RBMS3: variants seen among roughly 807,000 people sequenced by gnomAD.
RBMS3 encodes the protein RNA-binding motif, single-stranded-interacting protein 3.
Under a neutral mutation model 66.8 loss-of-function variants are expected in RBMS3, and 27 were observed. The observed-to-expected ratio is 0.40, with a 90% CI of 0.30 to 0.56. RBMS3 has a LOEUF of 0.56. RBMS3 is among the 20% of genes least tolerant of loss of function. The pLI is 0.40. For missense variants in RBMS3, 513 were observed against 549.5 expected (o/e 0.93, Z 0.66); for synonymous variants, 188 against 183.0 (o/e 1.03, Z -0.22).
rs1030238076 is a variant in RBMS3, at chr3:29,987,838, G to GATGTGAA, written c.1099-293_1099-287dup. 2.6e-5 allele frequency among the ~76,000 whole-genome samples: 4 copies of GATGTGAA among 152,174 alleles called. No homozygotes were observed. In the East Asian group the frequency reaches 7.7e-4, roughly 29 times the overall value. The stretch of plus-strand genomic sequence containing the variant: ...CCAACTCTCCTGGAGTTTGTGTTTA[G>GATGTGAA]ATGTGAAATGTGAAATGTTTGAGAT... On this transcript the variant is annotated intron_variant, in intron 12 of 14. Coordinates refer to ENST00000383767, the MANE Select transcript of RBMS3 (RefSeq NM_001003793.3).
At chr3:29,819,778 G>T (rs2058023778) in intron 6 of RBMS3, among the ~76,000 whole-genome samples, 1 of 152,084 alleles carries the variant, frequency 6.6e-6, no homozygotes, top group African/African-American at 2.4e-5. Flanking sequence ...AAATTAGCAG[G>T]CTCAAAAGAC....
intron 4 of RBMS3, among the ~76,000 whole-genome samples, chr3:29,689,738 G>T (rs183583997): frequency 1.3e-5 from 2 of 151,544 alleles, no homozygotes; most frequent in East Asian, 1.9e-4. Context: ...TTATTACAAA[G>T]AAATCTCTGC....
At chr3:29,360,257 C>A (rs1044451934) in intron 1 of RBMS3, among the ~76,000 whole-genome samples, 2 of 152,056 alleles carry the variant, frequency 1.3e-5, no homozygotes, top group East Asian at 3.9e-4. Flanking sequence ...TCTTTGTTCT[C>A]GTTGGTTTCA....
At chr3:29,936,255 C>T in intron 11 of RBMS3, 59 bp downstream of exon 11, 1 of 1,423,148 alleles carries the variant, frequency 7.0e-7, no homozygotes, top group Non-Finnish European at 9.8e-7. Flanking sequence ...TGATATTCTC[C>T]ATTTTTACTG....
intron 2 of RBMS3, among the ~76,000 whole-genome samples, chr3:29,445,445 C>T (rs1156437848): frequency 4.0e-5 from 6 of 151,816 alleles, no homozygotes; most frequent in African/African-American, 7.2e-5. Flanking sequence ...TTGCCTGAGC[C>T]GTCAGGTTTC....
intron 6 of RBMS3, among the ~76,000 whole-genome samples, chr3:29,792,595 CCT>C (rs1388600480): frequency 2.6e-5 from 4 of 152,192 alleles, no homozygotes; most frequent in African/African-American, 9.7e-5. Flanking sequence ...AGTGACTTAA[CCT>C]CTCTTTGACT....
At chr3:29,786,643 A>G (rs1212311299) in intron 6 of RBMS3, among the ~76,000 whole-genome samples, 1 of 152,206 alleles carries the variant, frequency 6.6e-6, no homozygotes, top group Non-Finnish European at 1.5e-5. Context: ...AGCCACATGT[A>G]GAAGAATGAA....
intron 3 of RBMS3, 117 bp downstream of exon 3, chr3:29,488,616 A>T: frequency 1.3e-6 from 1 of 771,250 alleles, no homozygotes; most frequent in Non-Finnish European, 1.9e-6. Flanking sequence ...AGTATGGAAA[A>T]CCTCTTTAAT....
chr3:29,371,399 G>C (rs1381029024), intron 1 of RBMS3, among the ~76,000 whole-genome samples: 1 of 152,164 alleles, frequency 6.6e-6, no homozygotes, highest in African/African-American at 2.4e-5. Flanking sequence ...TGATGGTCCA[G>C]ACAAGTTTAT....
chr3:29,938,187 A>G (rs2061313208), intron 11 of RBMS3, among the ~76,000 whole-genome samples: 1 of 152,010 alleles, frequency 6.6e-6, no homozygotes, highest in Non-Finnish European at 1.5e-5. Flanking sequence ...ACTCAGAATT[A>G]AAATAGTTAT....
intron 4 of RBMS3, among the ~76,000 whole-genome samples, chr3:29,728,753 T>G (rs1382512398): frequency 1.3e-5 from 2 of 152,180 alleles, no homozygotes; most frequent in Non-Finnish European, 2.9e-5. Context: ...CTATATGCCA[T>G]CCTTCACTTA....
chr3:29,661,663 CTT>C (rs143793536), intron 4 of RBMS3, among the ~76,000 whole-genome samples: 5,363 of 152,182 alleles, frequency 0.035, 133 homozygotes, highest in Non-Finnish European at 0.058. Context: ...GGTCATTTCT[CTT>C]TTGAATATTC....
At chr3:29,556,123 A>C (rs2046353252) in intron 3 of RBMS3, among the ~76,000 whole-genome samples, 1 of 104,246 alleles carries the variant, frequency 9.6e-6, no homozygotes, top group Non-Finnish European at 2.1e-5. Context: ...GCCACAATAA[A>C]GTTTAAAAAA....
At chr3:29,729,966 A>G (rs2149334351) in intron 4 of RBMS3, among the ~76,000 whole-genome samples, 1 of 151,912 alleles carries the variant, frequency 6.6e-6, no homozygotes, top group East Asian at 1.9e-4. Flanking sequence ...AATTTAAATG[A>G]TTTTAAAGCA....
intron 7 of RBMS3, among the ~76,000 whole-genome samples, chr3:29,873,982 G>C (rs1281154942): frequency 6.6e-6 from 1 of 152,120 alleles, no homozygotes; most frequent in African/African-American, 2.4e-5. Context: ...GTCACTAGCT[G>C]TTATTAATGC....
At chr3:29,874,619 G>A (rs974553380) in intron 7 of RBMS3, among the ~76,000 whole-genome samples, 25 of 152,092 alleles carry the variant, frequency 1.6e-4, no homozygotes, top group Non-Finnish European at 3.4e-4. Context: ...ATGCATGTTA[G>A]CACTTGCAAG....
intron 1 of RBMS3, among the ~76,000 whole-genome samples, chr3:29,368,963 A>G (rs1304622840): frequency 2.0e-5 from 3 of 152,194 alleles, no homozygotes; most frequent in Non-Finnish European, 4.4e-5. Flanking sequence ...CATATACATC[A>G]TGGAGTACTG....
intron 6 of RBMS3, among the ~76,000 whole-genome samples, chr3:29,824,534 C>T (rs1488334185): frequency 2.6e-5 from 4 of 152,158 alleles, no homozygotes; most frequent in Non-Finnish European, 5.9e-5. Context: ...CTGTTCTCAA[C>T]TTCCCATTGT....
At chr3:29,810,713 T>C (rs1186157877) in intron 6 of RBMS3, among the ~76,000 whole-genome samples, 1 of 152,220 alleles carries the variant, frequency 6.6e-6, no homozygotes, top group African/African-American at 2.4e-5. Flanking sequence ...ACATTTTTAT[T>C]CTAAGACAAA....
Sources: gnomAD v4.1 joint callset for allele counts (sites outside exome capture counted in the v4.1 genomes callset) on GRCh38, gnomAD v4.1.1 for gene constraint, MANE v1.5 for transcripts, NCBI Gene and HGNC (gene_info 2026-07-23, HGNC 2026-07-21) for gene names.